Variants in SH3BGR observed in about 807,000 individuals in gnomAD.
The protein encoded by SH3BGR is SH3 domain binding glutamate rich protein.
Under a neutral mutation model 24.5 loss-of-function variants are expected in SH3BGR, and 29 were observed. The observed-to-expected ratio is 1.18, with a 90% CI of 0.88 to 1.61. The LOEUF is 1.61. Among genes scored for constraint, SH3BGR ranks in the 40% most tolerant of loss-of-function variants. SH3BGR has a pLI of 0.00. For missense variants in SH3BGR, 162 were observed against 205.8 expected (o/e 0.79, Z 1.30); for synonymous variants, 55 against 65.7 (o/e 0.84, Z 0.79).
chr21:39,480,712 A>G (rs1264624260), intron 3 of SH3BGR, among the ~76,000 whole-genome samples: 1 of 152,160 alleles, frequency 6.6e-6, no homozygotes, highest in Admixed American at 6.5e-5. Flanking sequence ...GCTGCTTTGT[A>G]TCAGAATCTC....
At chr21:39,514,785 C>T (rs555300243) in intron 6 of SH3BGR, among the ~76,000 whole-genome samples, 32 of 152,316 alleles carry the variant, frequency 2.1e-4, no homozygotes, top group Admixed American at 1.6e-3. Flanking sequence ...TTTAGAGCTC[C>T]GCCTCTGGGA....
intron 4 of SH3BGR, among the ~76,000 whole-genome samples, chr21:39,505,061 C>T (rs2078560003): frequency 6.6e-6 from 1 of 152,226 alleles, no homozygotes; most frequent in African/African-American, 2.4e-5. Context: ...GATCCTCCCT[C>T]CTCAGCCTCC....
chr21:39,513,068 G>T (rs558426454), intron 6 of SH3BGR, among the ~76,000 whole-genome samples: 3 of 152,072 alleles, frequency 2.0e-5, no homozygotes, highest in African/African-American at 7.2e-5. Context: ...AAATTAAGAC[G>T]GCTTTTTGGG....
intron 2 of SH3BGR, among the ~76,000 whole-genome samples, chr21:39,472,467 T>TGGCGGAGACATTCAAATCACAGC (rs1291117087): frequency 6.6e-6 from 1 of 152,210 alleles, no homozygotes; most frequent in East Asian, 1.9e-4. Flanking sequence ...ACAAGCTTTT[T>TGGCGGAGACATTCAAATCACAGC]GGCGGAGACA....
chr21:39,480,003 C>G (rs1462624098), intron 3 of SH3BGR, among the ~76,000 whole-genome samples: 1 of 152,134 alleles, frequency 6.6e-6, no homozygotes, highest in African/African-American at 2.4e-5. Context: ...TTCAGCTTCT[C>G]ATGATTAACT....
intron 1 of SH3BGR, among the ~76,000 whole-genome samples, chr21:39,460,656 G>T (rs777444741): frequency 5.9e-5 from 9 of 152,078 alleles, no homozygotes; most frequent in African/African-American, 2.2e-4. Flanking sequence ...GTTTAGTAGA[G>T]ATGGGGTTTC....
intron 5 of SH3BGR, among the ~76,000 whole-genome samples, chr21:39,510,193 C>T (rs1055533782): frequency 7.8e-6 from 1 of 127,550 alleles, no homozygotes; most frequent in Non-Finnish European, 1.6e-5. Flanking sequence ...CCGCCCGCCT[C>T]GGCCTCCCAA....
Position 39,511,875 on chromosome 21 carries a change from T to G in SH3BGR, c.*34+66T>G. ...GTACTGTATGCTATCTGCGGCACAT[T>G]TTGCTTAGTAACAGGAGAAAGGGAA... On this transcript the variant is annotated intron_variant, in intron 6 of 6. Coordinates refer to ENST00000333634, the MANE Select transcript of SH3BGR (RefSeq NM_007341.3). This position sits in a 1 kb window ranked among gnomAD's most constrained non-coding sequence, Gnocchi z 4.2. The G allele has an allele frequency of 7.0e-7, 1 of 1,432,806 alleles. No homozygotes were observed. The highest frequency in any genetic ancestry group is 2.6e-5 in the Admixed American group (1 of 39,092). 88.8% of individuals were successfully genotyped at this position (1,432,806 alleles called of 1,614,324 possible).
chr21:39,501,497 T>C (rs565105184), intron 4 of SH3BGR, among the ~76,000 whole-genome samples: 38 of 152,384 alleles, frequency 2.5e-4, no homozygotes, highest in African/African-American at 7.9e-4. Flanking sequence ...TTGTGTGGGC[T>C]ATGGTGAAGA....
At chr21:39,481,503 C>T (rs1032606528) in intron 3 of SH3BGR, among the ~76,000 whole-genome samples, 1 of 152,158 alleles carries the variant, frequency 6.6e-6, no homozygotes, top group Non-Finnish European at 1.5e-5. Context: ...AATCTGTAGA[C>T]CTAGAATTTG....
intron 1 of SH3BGR, among the ~76,000 whole-genome samples, chr21:39,457,938 A>C (rs558554485): frequency 6.6e-6 from 1 of 152,260 alleles, no homozygotes; most frequent in African/African-American, 2.4e-5. Context: ...AGAAAAAACA[A>C]GAAACAAAAA....
At chr21:39,465,525 T>C (rs1018143700) in intron 2 of SH3BGR, among the ~76,000 whole-genome samples, 19 of 152,204 alleles carry the variant, frequency 1.2e-4, no homozygotes, top group African/African-American at 3.6e-4. Context: ...GTGTATCATA[T>C]ACGACTTTGT....
chr21:39,473,668 TG>T (rs1398347203), intron 2 of SH3BGR, among the ~76,000 whole-genome samples: 1 of 152,100 alleles, frequency 6.6e-6, no homozygotes, highest in Non-Finnish European at 1.5e-5. Flanking sequence ...GTGGATCATC[TG>T]GGGTCAGGAG....
At chr21:39,503,668 A>T (rs1226714822) in intron 4 of SH3BGR, among the ~76,000 whole-genome samples, 1 of 152,222 alleles carries the variant, frequency 6.6e-6, no homozygotes, top group African/African-American at 2.4e-5. Flanking sequence ...GACATTGATT[A>T]AAAAAATCAA....
Position 39,503,915 on chromosome 21 carries a change from C to T in SH3BGR, c.405+4000C>T, listed in dbSNP as rs187597920. Among the ~76,000 whole-genome samples the T allele has an allele frequency of 7.9e-5, 12 of 152,188 alleles. No homozygotes were observed. The East Asian group carries it at 2.3e-3, about 29-fold the overall frequency. On this transcript the variant is annotated intron_variant, in intron 4 of 6. Transcript: ENST00000333634. Reference sequence around the variant, plus strand: ...AAATAGGGGACCTCATGGGGCCTGGCCTGATAACCCAGGGGAGGGTGAGGG... The same window carrying T: ...AAATAGGGGACCTCATGGGGCCTGGTCTGATAACCCAGGGGAGGGTGAGGG...
In SH3BGR at chr21:39,452,068, T is replaced by TG. The variant is rs35950439; in HGVS notation, c.-23dup. 7.4e-6 allele frequency: 12 copies of TG among 1,613,996 alleles called. No homozygotes were observed. The East Asian group carries it at 8.9e-5, about 12-fold the overall frequency. On this transcript the variant is annotated 5_prime_UTR_variant, in exon 1 of 7. Transcript: ENST00000333634. ...GGCGCATTCCCTGACAGGGGTGTGT[T>TG]GGGGGGAGTCCTCTTTCCAACTGTC...
At chr21:39,465,781 A>G (rs35643585) in intron 2 of SH3BGR, among the ~76,000 whole-genome samples, 19,773 of 152,012 alleles carry the variant, frequency 0.13, 1,679 homozygotes, top group South Asian at 0.17. Flanking sequence ...TTGTAGAGAT[A>G]GGGTCTCACT....
In SH3BGR at chr21:39,462,565, G is replaced by A; in HGVS notation, c.231+5G>A. ...AATGAGGAGCAGTACTGTGGGGTGA[G>A]TATGTGCTTCTATTAAAAATCCTGC... On this transcript the variant is annotated splice_donor_5th_base_variant and intron_variant, in intron 2 of 6. Coordinates refer to ENST00000333634, the MANE Select transcript of SH3BGR (RefSeq NM_007341.3). The A allele has an allele frequency of 6.6e-7, 1 of 1,524,660 alleles. No homozygotes were observed. The highest frequency in any genetic ancestry group is 8.7e-7 in the Non-Finnish European group (1 of 1,143,678). The allele number at this position is 1,524,660 out of a possible 1,614,324, so 94.4% of individuals were successfully genotyped here. A position where few individuals can be genotyped will look rare whatever the true frequency, so the allele number is the denominator to read the frequency against.
At chr21:39,480,343 C>G (rs2078111011) in intron 3 of SH3BGR, among the ~76,000 whole-genome samples, 1 of 152,148 alleles carries the variant, frequency 6.6e-6, no homozygotes, top group South Asian at 2.1e-4. Context: ...AGCTGTCACC[C>G]CCTAATTCAG....
Sources: allele counts gnomAD v4.1 joint callset (sites outside exome capture counted in the v4.1 genomes callset), GRCh38; gene constraint gnomAD v4.1.1; non-coding constraint Gnocchi (gnomAD v3.1); transcripts MANE v1.5; gene names NCBI Gene and HGNC (gene_info 2026-07-23, HGNC 2026-07-21).